The following EML5 variants were observed in gnomAD, a reference collection of about 807,000 sequenced individuals.
The protein encoded by EML5 is echinoderm microtubule-associated protein-like 5.
In EML5, 120 loss-of-function variants were observed where a neutral mutation model predicts 250.0. The observed-to-expected ratio is 0.48, with a 90% CI of 0.41 to 0.56. EML5 has a LOEUF of 0.56. EML5 is among the 20% of genes least tolerant of loss of function. The pLI is 0.00. For missense variants in EML5, 2,006 were observed against 2,437.6 expected, an observed-to-expected ratio of 0.82 and a Z score of 3.73; for synonymous variants, 771 against 806.5, an observed-to-expected ratio of 0.96 and a Z score of 0.75.
intron 31 of EML5, among the ~76,000 whole-genome samples, chr14:88,639,661 C>T (rs1040382956): frequency 1.3e-5 from 2 of 152,128 alleles, no homozygotes; most frequent in Non-Finnish European, 2.9e-5. Context: ...ATTGCAACCT[C>T]CACTTCCCTG....
intron 20 of EML5, among the ~76,000 whole-genome samples, chr14:88,683,334 C>A (rs185884555): frequency 2.3e-4 from 35 of 152,168 alleles, no homozygotes; most frequent in Non-Finnish European, 4.1e-4. Flanking sequence ...TTTAAAGGAG[C>A]CTGAATTTGA....
chr14:88,697,855 C>T (rs1184340949), intron 14 of EML5, among the ~76,000 whole-genome samples: 3 of 152,110 alleles, frequency 2.0e-5, no homozygotes, highest in Non-Finnish European at 4.4e-5. Flanking sequence ...CTTACCTCAG[C>T]CTCCCAAGTA....
intron 35 of EML5, chr14:88,625,533 C>G (rs1313109230): frequency 1.3e-5 from 2 of 155,274 alleles, no homozygotes; most frequent in African/African-American, 4.8e-5. Context: ...TCCCAAGTAG[C>G]TGGGATTACA....
intron 30 of EML5, among the ~76,000 whole-genome samples, chr14:88,643,981 G>A (rs867302376): frequency 5.3e-5 from 8 of 152,110 alleles, no homozygotes; most frequent in Non-Finnish European, 1.0e-4. Context: ...CAATTATTAC[G>A]TAAGGTTACT....
intron 8 of EML5, among the ~76,000 whole-genome samples, chr14:88,717,710 C>T (rs916531328): frequency 2.0e-5 from 3 of 152,086 alleles, no homozygotes; most frequent in Non-Finnish European, 4.4e-5. Context: ...AGCTGAGATC[C>T]TGCCACTGCA....
At chr14:88,675,168 C>T (rs2092565367) in intron 21 of EML5, among the ~76,000 whole-genome samples, 1 of 152,246 alleles carries the variant, frequency 6.6e-6, no homozygotes, top group African/African-American at 2.4e-5. Context: ...CTTCTCATAA[C>T]TCCACTAGGC....
chr14:88,725,355 G>A (rs893141187), intron 8 of EML5, among the ~76,000 whole-genome samples: 4 of 151,996 alleles, frequency 2.6e-5, no homozygotes, highest in African/African-American at 9.7e-5. Context: ...CTTAAAAACC[G>A]GTCTCGGAAA....
At chr14:88,641,059 G>A (rs779307940) in intron 31 of EML5, among the ~76,000 whole-genome samples, 13 of 152,000 alleles carry the variant, frequency 8.6e-5, no homozygotes, top group Non-Finnish European at 1.3e-4. Context: ...TCTCAAGATT[G>A]AATCAGGAAG....
rs2092610539 is a variant in EML5, at chr14:88,677,035, G to C, written c.3124+4855C>G. ...TTCTCTTGCCTAAGCCTCCCAAGTA[G>C]CTAGGACTACAGGCACACACCACCA... On this transcript the variant is annotated intron_variant, in intron 21 of 43. Transcript: ENST00000554922. 3.3e-5 allele frequency among the ~76,000 whole-genome samples: 5 copies of C among 152,270 alleles called. 1 individual carries two copies. In the South Asian group the frequency reaches 1.0e-3, roughly 32 times the overall value.
At chr14:88,699,379 T>C (rs1036974553) in intron 14 of EML5, among the ~76,000 whole-genome samples, 15 of 151,906 alleles carry the variant, frequency 9.9e-5, no homozygotes, top group South Asian at 8.4e-4. Flanking sequence ...TTGAATTGCA[T>C]TGGGAGTCAA....
At chr14:88,698,246 CT>C (rs1303649594) in intron 14 of EML5, among the ~76,000 whole-genome samples, 3 of 142,164 alleles carry the variant, frequency 2.1e-5, no homozygotes, top group Non-Finnish European at 4.5e-5. Context: ...GTACTACTCT[CT>C]TCTGGTTCTC....
intron 8 of EML5, among the ~76,000 whole-genome samples, chr14:88,717,662 G>A (rs920655068): frequency 2.0e-5 from 3 of 152,156 alleles, no homozygotes; most frequent in Admixed American, 6.5e-5. Flanking sequence ...GGCTGAGGCA[G>A]GAAAATCACT....
chr14:88,769,010 C>T (rs369165040), intron 1 of EML5, among the ~76,000 whole-genome samples: 24 of 152,146 alleles, frequency 1.6e-4, no homozygotes, highest in East Asian at 5.8e-4. Flanking sequence ...ATATCATCTC[C>T]GAAGGGGCAA....
In EML5 at chr14:88,792,393, T is replaced by C; in HGVS notation, c.111A>G (p.Val37=). ...NLYYTAAKEI[V]YFVAGVGVVY... Reference sequence around the variant, plus strand: ...CCACGCCGACCCCCGCCACGAAGTATACGATCTCCTTGGCCGCAGTGTAGT... The same window carrying C: ...CCACGCCGACCCCCGCCACGAAGTACACGATCTCCTTGGCCGCAGTGTAGT... Residue 37 remains valine, a synonymous_variant, in exon 1 of 44, where the codon GTA becomes GTG. Transcript: ENST00000554922. The surrounding 1 kb of genome is among the most constrained non-coding windows in gnomAD (Gnocchi z 6.9). The C allele has an allele frequency of 6.4e-7, 1 of 1,571,658 alleles. No homozygotes were observed. The highest frequency in any genetic ancestry group is 2.4e-5 in the East Asian group (1 of 42,118).
intron 37 of EML5, chr14:88,621,883 C>G (rs1463980832): frequency 4.4e-6 from 2 of 456,360 alleles, no homozygotes; most frequent in African/African-American, 2.0e-5. Context: ...TGGAAACTTT[C>G]AAAATCCTCT....
At chr14:88,636,895 G>C (rs1390818852) in intron 32 of EML5, among the ~76,000 whole-genome samples, 2 of 152,120 alleles carry the variant, frequency 1.3e-5, no homozygotes. Context: ...TGGCAGCAGG[G>C]TTCAAACACA....
intron 1 of EML5, among the ~76,000 whole-genome samples, chr14:88,762,285 T>C (rs961114287): frequency 2.0e-5 from 3 of 151,970 alleles, no homozygotes; most frequent in African/African-American, 7.3e-5. Flanking sequence ...CCGAGGCAGG[T>C]GGATCACCTG....
Position 88,736,447 on chromosome 14 carries a change from C to T in EML5, c.966G>A (p.Gly322=), listed in dbSNP as rs367787484. Residue 322 remains glycine, a synonymous_variant, in exon 7 of 44, where the codon GGG becomes GGA. Coordinates refer to ENST00000554922, the MANE Select transcript of EML5 (RefSeq NM_183387.3). The stretch of plus-strand genomic sequence containing the variant: ...GTGCCCAAAGTTCACCTTCACAATG[C>T]CCTTGCATAATTAGAAAAGGTTTAT... The part of the protein sequence containing the change: ...ERNKPFLIMQ[G]HCEGELWALA... The T allele has an allele frequency of 7.6e-5, 122 of 1,613,888 alleles. No homozygotes were observed. The highest frequency in any genetic ancestry group is 2.2e-5 in the South Asian group (2 of 91,080).
chr14:88,677,628 G>A (rs1279145984), intron 21 of EML5, among the ~76,000 whole-genome samples: 1 of 152,156 alleles, frequency 6.6e-6, no homozygotes, highest in Non-Finnish European at 1.5e-5. Context: ...ATTAAAAGGT[G>A]GGCAAAGGAC....
Sources: allele counts gnomAD v4.1 joint callset (sites outside exome capture counted in the v4.1 genomes callset), GRCh38; gene constraint gnomAD v4.1.1; non-coding constraint Gnocchi (gnomAD v3.1); transcripts MANE v1.5; gene names NCBI Gene and HGNC (gene_info 2026-07-23, HGNC 2026-07-21).